LRRC8B: variants seen among roughly 807,000 people sequenced by gnomAD.
LRRC8B encodes the protein volume-regulated anion channel subunit LRRC8B.
A neutral mutation model predicts 58.8 loss-of-function variants in LRRC8B; 23 were observed. That is an observed-to-expected ratio of 0.39 (90% confidence interval 0.28 to 0.55). LRRC8B has a LOEUF of 0.55. Ranked by LOEUF, LRRC8B falls within the 20% of genes least tolerant of loss-of-function variation. LRRC8B has a pLI of 0.62. For synonymous variants in LRRC8B, 359 were observed against 374.1 expected (o/e 0.96, Z 0.47); for missense variants, 694 against 936.0 (o/e 0.74, Z 3.37).
intron 1 of LRRC8B, among the ~76,000 whole-genome samples, chr1:89,561,703 T>A (rs558940007): frequency 2.1e-4 from 27 of 130,222 alleles, no homozygotes; most frequent in African/African-American, 7.7e-4. Context: ...GTTGTAGGTA[T>A]GCGGCGTTAT....
intron 1 of LRRC8B, among the ~76,000 whole-genome samples, chr1:89,541,487 G>A (rs560822217): frequency 0.013 from 1,991 of 151,676 alleles, 41 homozygotes; most frequent in African/African-American, 0.045. Flanking sequence ...CGAGGCGGGC[G>A]GATCACGAGG....
rs1655334978 is a variant in LRRC8B, at chr1:89,596,967, G to A, written c.*3924G>A. 1 of 152,146 alleles carries A rather than the reference G, an allele frequency of 6.6e-6. No individual in the cohort carries two copies. The highest frequency in any genetic ancestry group is 6.5e-5 in the Admixed American group (1 of 15,276). The allele number at this position is 152,146 out of a possible 1,614,324, so 9.4% of individuals were successfully genotyped here. On this transcript the variant is annotated 3_prime_UTR_variant, in exon 6 of 6. Coordinates refer to ENST00000330947, the MANE Select transcript of LRRC8B (RefSeq NM_001369817.2). The stretch of plus-strand genomic sequence containing the variant: ...TCTATCTGGAAACAGACAGAATGGT[G>A]GGGGAGGGAAGGAGTTATTTTGCAT...
rs981563203 is a variant in LRRC8B, at chr1:89,597,859, G to T, written c.*4816G>T. On this transcript the variant is annotated 3_prime_UTR_variant, in exon 6 of 6. Transcript: ENST00000330947. ...TGGCAAATAAAAACAGTAAATGCTGGAAGAAGTTGACTGTACTAATTTTAA... is the reference window on the plus strand; with the variant it reads ...TGGCAAATAAAAACAGTAAATGCTGTAAGAAGTTGACTGTACTAATTTTAA... 1 of 152,148 alleles carries T rather than the reference G, an allele frequency of 6.6e-6. No individual in the cohort carries two copies. Among genetic ancestry groups the T allele is most frequent in the African/African-American group, 2.4e-5 (1 of 41,436 alleles). The allele number at this position is 152,148 out of a possible 1,614,324, so 9.4% of individuals were successfully genotyped here.
At chr1:89,527,275 C>T (rs12409358) in intron 1 of LRRC8B, among the ~76,000 whole-genome samples, 35,064 of 152,100 alleles carry the variant, frequency 0.23, 4,520 homozygotes, top group Admixed American at 0.34. Context: ...CTGTTTAACC[C>T]AATCCCGGAT....
chr1:89,545,811 G>A (rs1052196379), intron 1 of LRRC8B, among the ~76,000 whole-genome samples: 2 of 152,186 alleles, frequency 1.3e-5, no homozygotes, highest in African/African-American at 4.8e-5. Context: ...TAGGAGGTGA[G>A]GCTTGCAGGA....
intron 3 of LRRC8B, among the ~76,000 whole-genome samples, chr1:89,573,667 C>T (rs1653631422): frequency 6.6e-6 from 1 of 152,200 alleles, no homozygotes; most frequent in African/African-American, 2.4e-5. Flanking sequence ...TGTGCTTCTC[C>T]TTTACCTCAC....
intron 5 of LRRC8B, among the ~76,000 whole-genome samples, chr1:89,589,436 G>T (rs929110046): frequency 1.3e-5 from 2 of 152,190 alleles, no homozygotes; most frequent in Admixed American, 6.5e-5. Context: ...AGAGTAATTG[G>T]ATTATGGTGG....
Position 89,597,043 on chromosome 1 carries a change from T to C in LRRC8B, c.*4000T>C, listed in dbSNP as rs899010129. On this transcript the variant is annotated 3_prime_UTR_variant, in exon 6 of 6. Coordinates refer to ENST00000330947, the MANE Select transcript of LRRC8B (RefSeq NM_001369817.2). The stretch of plus-strand genomic sequence containing the variant: ...TATATATATTTGAAATAGTATAAGC[T>C]AATTACTGTTGCAGAATGCCCTCGA... The C allele has an allele frequency of 7.2e-5, 11 of 152,214 alleles. No individual in the cohort carries two copies. The highest frequency in any genetic ancestry group is 2.2e-4 in the African/African-American group (9 of 41,470). The allele number at this position is 152,214 out of a possible 1,614,324, so 9.4% of individuals were successfully genotyped here. A position where few individuals can be genotyped will look rare whatever the true frequency, so the allele number is the denominator to read the frequency against.
At chr1:89,528,813 G>C (rs1649892607) in intron 1 of LRRC8B, among the ~76,000 whole-genome samples, 1 of 152,132 alleles carries the variant, frequency 6.6e-6, no homozygotes, top group South Asian at 2.1e-4. Flanking sequence ...GTAGCAGAAA[G>C]GAGGAAAGAA....
At chr1:89,586,034 AAGG>A (rs1654600984) in intron 5 of LRRC8B, among the ~76,000 whole-genome samples, 1 of 152,180 alleles carries the variant, frequency 6.6e-6, no homozygotes, top group Non-Finnish European at 1.5e-5. Flanking sequence ...TCATATGTAA[AAGG>A]AGAGAGTCCA....
intron 1 of LRRC8B, among the ~76,000 whole-genome samples, chr1:89,552,436 C>T (rs1445755006): frequency 6.6e-6 from 1 of 152,046 alleles, no homozygotes; most frequent in Non-Finnish European, 1.5e-5. Flanking sequence ...TAACACTATC[C>T]TTAGACAATA....
Position 89,524,902 on chromosome 1 carries a change from C to G in LRRC8B, c.-361C>G, listed in dbSNP as rs557635615. 1 of 152,224 alleles carries G rather than the reference C, an allele frequency of 6.6e-6. No homozygotes were observed. Among genetic ancestry groups the G allele is most frequent in the East Asian group, 1.9e-4 (1 of 5,182 alleles). The allele number at this position is 152,224 out of a possible 1,614,324, so 9.4% of individuals were successfully genotyped here. A position where few individuals can be genotyped will look rare whatever the true frequency, so the allele number is the denominator to read the frequency against. On this transcript the variant is annotated 5_prime_UTR_variant, in exon 1 of 6. Coordinates refer to ENST00000330947, the MANE Select transcript of LRRC8B (RefSeq NM_001369817.2). Reference sequence around the variant, plus strand: ...CGAGCCGGACAGCGCCGGGGCTTCCCGCTGAGCCCGCAGCCTCCGGCAGCC... The same window carrying G: ...CGAGCCGGACAGCGCCGGGGCTTCCGGCTGAGCCCGCAGCCTCCGGCAGCC...
At chr1:89,534,693 G>A (rs1459586468) in intron 1 of LRRC8B, among the ~76,000 whole-genome samples, 1 of 152,208 alleles carries the variant, frequency 6.6e-6, no homozygotes, top group African/African-American at 2.4e-5. Context: ...TTAAATGGAA[G>A]TGCTTAAGAA....
chr1:89,581,992 C>T (rs1403049936), intron 4 of LRRC8B, among the ~76,000 whole-genome samples: 1 of 152,146 alleles, frequency 6.6e-6, no homozygotes, highest in Non-Finnish European at 1.5e-5. Flanking sequence ...AAAGAGGCTC[C>T]TTGTGGTGAC....
intron 1 of LRRC8B, among the ~76,000 whole-genome samples, chr1:89,544,754 A>G (rs765829627): frequency 6.6e-5 from 10 of 152,318 alleles, no homozygotes; most frequent in Middle Eastern, 3.4e-3. Context: ...AAAAACCTCA[A>G]TTATATTGAC....
In LRRC8B at chr1:89,583,148, C is replaced by G; in HGVS notation, c.498C>G (p.Thr166=). The change falls in exon 5 of 6, where the codon ACC becomes ACG. Residue 166 remains threonine (T), a synonymous_variant. Transcript: ENST00000330947. This position sits in a 1 kb window ranked among gnomAD's most constrained non-coding sequence, Gnocchi z 5.2. The part of the protein sequence containing the change: ...LHKCFDSPWT[T]RALSETVAEQ... ...AGTGCTTCGATTCTCCATGGACCAC[C>G]CGCGCCCTTTCAGAAACAGTGGCTG... 1 of 1,614,194 alleles carries G rather than the reference C, an allele frequency of 6.2e-7. No homozygotes were observed. The highest frequency in any genetic ancestry group is 8.5e-7 in the Non-Finnish European group (1 of 1,180,048).
chr1:89,553,566 G>T (rs1651967327), intron 1 of LRRC8B, among the ~76,000 whole-genome samples: 1 of 152,088 alleles, frequency 6.6e-6, no homozygotes, highest in Non-Finnish European at 1.5e-5. Context: ...TTCCACCAGA[G>T]TACTCAGGTA....
intron 1 of LRRC8B, among the ~76,000 whole-genome samples, chr1:89,562,629 C>T (rs1318890115): frequency 6.6e-6 from 1 of 152,058 alleles, no homozygotes; most frequent in Non-Finnish European, 1.5e-5. Flanking sequence ...CGCCACTATG[C>T]CCAGCTAATT....
intron 1 of LRRC8B, among the ~76,000 whole-genome samples, chr1:89,559,366 C>T (rs548647482): frequency 7.9e-5 from 12 of 152,024 alleles, no homozygotes; most frequent in South Asian, 6.2e-4. Context: ...TACTTCCTGC[C>T]GGGTGCGGTG....
Sources: allele counts gnomAD v4.1 joint callset (sites outside exome capture counted in the v4.1 genomes callset), GRCh38; gene constraint gnomAD v4.1.1; non-coding constraint Gnocchi (gnomAD v3.1); transcripts MANE v1.5; gene names NCBI Gene and HGNC (gene_info 2026-07-23, HGNC 2026-07-21).